The following PRELID2 variants were observed in gnomAD, a reference collection of about 807,000 sequenced individuals.
PRELID2 encodes the protein PRELI domain-containing protein 2.
PRELID2 carries 25 observed loss-of-function variants against 28.4 expected under a neutral mutation model. The ratio of observed to expected loss-of-function variants is 0.88; its 90% CI spans 0.64 to 1.23. The LOEUF (loss-of-function observed/expected upper bound fraction) is 1.23, where lower values mean the gene tolerates loss of function less well. PRELID2 is among the 50% of genes most tolerant of loss of function. The pLI is 0.00. For synonymous variants in PRELID2, 76 were observed against 71.6 expected, an observed-to-expected ratio of 1.06 and a Z score of -0.31; for missense variants, 201 against 214.4, an observed-to-expected ratio of 0.94 and a Z score of 0.39.
At chr5:145,497,236 C>G (rs1308165547) in intron 1 of PRELID2, among the ~76,000 whole-genome samples, 1 of 152,146 alleles carries the variant, frequency 6.6e-6, no homozygotes, top group Admixed American at 6.6e-5. Context: ...CCGTTCCAGT[C>G]ATCCACTGTG....
rs71594511 is a variant in PRELID2 at position 145,668,965 on chromosome 5, C to T, written n.70+95966G>A. On this transcript the variant is annotated intron_variant and non_coding_transcript_variant, in intron 1 of 2. Coordinates refer to the PRELID2 transcript ENST00000510259. ...CAGCTCCCCCTTTCACAGGCTGCAG[C>T]GGTTTCAGGTATCATATCTAGAGTC... Among the ~76,000 whole-genome samples, 190 of 152,152 alleles carry T rather than the reference C, an allele frequency of 1.2e-3. 2 individuals are homozygous for T. Among genetic ancestry groups the T allele is most frequent in the Middle Eastern group, 6.8e-3 (2 of 294 alleles).
chr5:145,280,944 T>C, the PRELID2 span, among the ~76,000 whole-genome samples: 1 of 152,122 alleles, frequency 6.6e-6, no homozygotes, highest in African/African-American at 2.4e-5. Flanking sequence ...AATGCATTTT[T>C]TTTACGTAAT....
intron 1 of PRELID2, among the ~76,000 whole-genome samples, chr5:145,488,141 A>AAT (rs397705165): frequency 6.7e-6 from 1 of 150,226 alleles, no homozygotes; most frequent in African/African-American, 2.4e-5. Context: ...AAAAAAAAAA[A>AAT]GGAATTGGAA....
chr5:145,468,069 T>C (rs1392360949), downstream of PRELID2, among the ~76,000 whole-genome samples: 6 of 152,000 alleles, frequency 3.9e-5, no homozygotes, highest in Admixed American at 1.3e-4. Context: ...CTCCCCGCTC[T>C]CCCAACCCCA....
the PRELID2 span, among the ~76,000 whole-genome samples, chr5:145,325,732 A>G: frequency 6.6e-6 from 1 of 152,124 alleles, no homozygotes; most frequent in African/African-American, 2.4e-5. Context: ...CTGCCTCTAC[A>G]GTGATGAATT....
chr5:145,826,685 A>G (rs1164128769), intron 1 of PRELID2, among the ~76,000 whole-genome samples: 1 of 152,192 alleles, frequency 6.6e-6, no homozygotes, highest in Non-Finnish European at 1.5e-5. Flanking sequence ...TTTACATATT[A>G]AAAGATAAGC....
At chr5:145,724,743 T>TTA (rs1217801844) in intron 1 of PRELID2, among the ~76,000 whole-genome samples, 1 of 130,078 alleles carries the variant, frequency 7.7e-6, no homozygotes, top group Non-Finnish European at 1.6e-5. Flanking sequence ...ATATAAAATA[T>TTA]TATATATTAT....
chr5:145,368,367 C>T, the PRELID2 span, among the ~76,000 whole-genome samples: 1 of 151,942 alleles, frequency 6.6e-6, no homozygotes, highest in Non-Finnish European at 1.5e-5. Context: ...AAATGGTACA[C>T]CTAACTTCAG....
chr5:145,306,500 A>C, the PRELID2 span, among the ~76,000 whole-genome samples: 1 of 152,104 alleles, frequency 6.6e-6, no homozygotes, highest in African/African-American at 2.4e-5. Context: ...ATTTTATATT[A>C]GTTACTTAAA....
chr5:145,407,460 C>T, the PRELID2 span, among the ~76,000 whole-genome samples: 2 of 152,046 alleles, frequency 1.3e-5, no homozygotes, highest in Non-Finnish European at 2.9e-5. Context: ...ACAAGCCTCA[C>T]CTAAGGAGAG....
chr5:145,627,284 TCTCA>T (rs1399565888), intron 1 of PRELID2, among the ~76,000 whole-genome samples: 2 of 151,966 alleles, frequency 1.3e-5, no homozygotes, highest in Non-Finnish European at 2.9e-5. Context: ...AACCACATGT[TCTCA>T]CTTACAAATG....
chr5:145,732,811 G>T (rs1370096875), intron 1 of PRELID2, among the ~76,000 whole-genome samples: 6 of 152,158 alleles, frequency 3.9e-5, no homozygotes, highest in African/African-American at 1.4e-4. Flanking sequence ...TATCTATGGG[G>T]AGGATAGCAC....
At chr5:145,530,798 G>A (rs1287426865) in intron 1 of PRELID2, among the ~76,000 whole-genome samples, 2 of 152,046 alleles carry the variant, frequency 1.3e-5, no homozygotes, top group Admixed American at 6.6e-5. Flanking sequence ...GTGGGGGCAG[G>A]AGAGCAGCTG....
chr5:145,809,458 C>A (rs569654488), intron 4 of PRELID2, among the ~76,000 whole-genome samples: 1 of 152,308 alleles, frequency 6.6e-6, no homozygotes, highest in South Asian at 2.1e-4. Context: ...CTATAAGCAC[C>A]TGGAGACAAA....
intron 1 of PRELID2, among the ~76,000 whole-genome samples, chr5:145,539,503 T>C (rs1196318618): frequency 6.6e-6 from 1 of 151,974 alleles, no homozygotes; most frequent in Non-Finnish European, 1.5e-5. Flanking sequence ...GAATAATTTG[T>C]CTCCTCCTAC....
intron 1 of PRELID2, among the ~76,000 whole-genome samples, chr5:145,510,346 C>A (rs1414284643): frequency 6.6e-6 from 1 of 152,122 alleles, no homozygotes; most frequent in Non-Finnish European, 1.5e-5. Context: ...TTTTTCTCTC[C>A]ATTGACATTG....
At chr5:145,292,062 T>G in the PRELID2 span, among the ~76,000 whole-genome samples, 9 of 152,152 alleles carry the variant, frequency 5.9e-5, no homozygotes, top group Non-Finnish European at 1.0e-4. Context: ...TCCTTTCCTC[T>G]AGATCATTCA....
the PRELID2 span, among the ~76,000 whole-genome samples, chr5:145,416,798 T>A: frequency 2.6e-5 from 4 of 151,724 alleles, no homozygotes; most frequent in Non-Finnish European, 5.9e-5. Flanking sequence ...ACAAAAGAGC[T>A]GAACTGAAGC....
the PRELID2 span, among the ~76,000 whole-genome samples, chr5:145,264,969 T>TAAAAAAAAAAAAAAAAAAAAAA: frequency 3.5e-5 from 2 of 56,880 alleles, 1 homozygote; most frequent in African/African-American, 1.1e-4. Flanking sequence ...AGTGCAACTC[T>TAAAAAAAAAAAAAAAAAAAAAA]AAAAAAAAAA....
Sources: allele counts gnomAD v4.1 joint callset (sites outside exome capture counted in the v4.1 genomes callset), GRCh38; gene constraint gnomAD v4.1.1; transcripts MANE v1.5; gene names NCBI Gene and HGNC (gene_info 2026-07-23, HGNC 2026-07-21).